Variants in RNF38 observed in about 807,000 individuals in gnomAD.
RNF38 encodes the protein E3 ubiquitin-protein ligase RNF38.
In RNF38, 15 loss-of-function variants were observed where a neutral mutation model predicts 67.2. That is an observed-to-expected ratio of 0.22 (90% CI 0.15 to 0.34). The LOEUF (loss-of-function observed/expected upper bound fraction) is 0.34. Among genes scored for constraint, RNF38 ranks in the 10% least tolerant of loss-of-function variants. The probability of loss-of-function intolerance (pLI) is 1.00; values close to 1 mark genes in which losing one functional copy is unlikely to be tolerated. For missense variants in RNF38, 524 were observed against 639.9 expected (o/e 0.82, Z 1.95); for synonymous variants, 220 against 218.8 (o/e 1.01, Z -0.05).
At chr9:36,412,686 T>C (rs1838356886) in intron 2 of RNF38, among the ~76,000 whole-genome samples, 1 of 152,224 alleles carries the variant, frequency 6.6e-6, no homozygotes, top group African/African-American at 2.4e-5. Flanking sequence ...ACGCCTGTAA[T>C]CCCAGCACTT....
At position 36,427,702 on chromosome 9, in the gene RNF38, T is replaced by TCTATCTATCTAC. The variant is rs1554694676; in HGVS notation, n.242-3020_242-3019insGTAGATAGATAG. 4.7e-3 allele frequency among the ~76,000 whole-genome samples: 662 copies of TCTATCTATCTAC among 139,428 alleles called. 2 individuals are homozygous for TCTATCTATCTAC. The highest frequency in any genetic ancestry group is 5.9e-3 in the Non-Finnish European group (392 of 66,832). 91.5% of individuals were successfully genotyped at this position (139,428 alleles called of 152,430 possible). A position where few individuals can be genotyped will look rare whatever the true frequency, so the allele number is the denominator to read the frequency against. Reference sequence around the variant, plus strand: ...ATCTATCTATCTATCTATCTATCTATCTACCTACCTATCTATTAATTTATT... The same window carrying TCTATCTATCTAC: ...ATCTATCTATCTATCTATCTATCTATCTATCTATCTACCTACCTACCTATCTATTAATTTATT... On this transcript the variant is annotated intron_variant and non_coding_transcript_variant, in intron 1 of 3. Transcript: ENST00000488058.
intron 4 of RNF38, among the ~76,000 whole-genome samples, chr9:36,362,430 TCAAAGTAC>T (rs1348563346): frequency 1.4e-5 from 2 of 139,758 alleles, no homozygotes; most frequent in African/African-American, 5.4e-5. Context: ...TAAAATACAA[TCAAAGTAC>T]CAAAGTACAT....
At chr9:36,345,471 A>C (rs1372701637) in intron 9 of RNF38, among the ~76,000 whole-genome samples, 1 of 152,184 alleles carries the variant, frequency 6.6e-6, no homozygotes, top group Non-Finnish European at 1.5e-5. Flanking sequence ...GATGTTTTGC[A>C]GCATTCCTGG....
At chr9:36,475,326 AATT>A (rs1325606093) in intron 1 of RNF38, among the ~76,000 whole-genome samples, 5 of 151,984 alleles carry the variant, frequency 3.3e-5, no homozygotes, top group African/African-American at 4.8e-5. Flanking sequence ...ATGTTTACCA[AATT>A]ATTATTAATA....
At chr9:36,409,370 C>G (rs935111556) in intron 2 of RNF38, among the ~76,000 whole-genome samples, 4 of 151,726 alleles carry the variant, frequency 2.6e-5, no homozygotes, top group African/African-American at 7.3e-5. Flanking sequence ...GGCAGGCGGG[C>G]GGGCAACAGA....
At chr9:36,409,261 GGAAGGAAA>G (rs886418208) in intron 2 of RNF38, among the ~76,000 whole-genome samples, 4 of 137,938 alleles carry the variant, frequency 2.9e-5, no homozygotes, top group Non-Finnish European at 6.2e-5. Context: ...AAGGAAGGAA[GGAAGGAAA>G]GAAGGAAAGA....
chr9:36,419,141 T>C (rs1426074822), intron 2 of RNF38, among the ~76,000 whole-genome samples: 1 of 152,200 alleles, frequency 6.6e-6, no homozygotes, highest in African/African-American at 2.4e-5. Context: ...CAATGGAACA[T>C]TTTGGATTTT....
At chr9:36,376,926 CAAAAA>C (rs34112141) in intron 2 of RNF38, among the ~76,000 whole-genome samples, 2 of 102,186 alleles carry the variant, frequency 2.0e-5, no homozygotes, top group African/African-American at 7.5e-5. Flanking sequence ...GACTCTGTCT[CAAAAA>C]AAAAAAAAAA....
intron 2 of RNF38, among the ~76,000 whole-genome samples, chr9:36,385,966 T>C (rs142337370): frequency 5.2e-4 from 79 of 152,322 alleles, no homozygotes; most frequent in African/African-American, 1.9e-3. Flanking sequence ...AAAAGCCTTC[T>C]ACAACCAGCA....
intron 10 of RNF38, 60 bp downstream of exon 10, chr9:36,344,772 C>G: frequency 6.4e-7 from 1 of 1,553,516 alleles, no homozygotes; most frequent in Admixed American, 1.8e-5. Context: ...GACTCTTAAG[C>G]TTTTATTTCA....
At position 36,445,645 on chromosome 9, in the gene RNF38, G is replaced by C. The variant is rs1839282870; in HGVS notation, n.242-20962C>G. ...CACAAGCCAGAACCACTGGAGGATG[G>C]TGAAGGGTAGAGAGAACTAGCTGGT... On this transcript the variant is annotated intron_variant and non_coding_transcript_variant, in intron 1 of 3. Coordinates refer to the RNF38 transcript ENST00000488058. Among the ~76,000 whole-genome samples, 4 of 152,308 alleles carry C rather than the reference G, an allele frequency of 2.6e-5. No individual in the cohort carries two copies. The South Asian group carries it at 8.3e-4, about 32-fold the overall frequency.
At chr9:36,415,708 T>C (rs1240771904) in intron 2 of RNF38, among the ~76,000 whole-genome samples, 1 of 152,106 alleles carries the variant, frequency 6.6e-6, no homozygotes, top group African/African-American at 2.4e-5. Context: ...TCTGCTCCGA[T>C]GGAGGTAGCA....
At chr9:36,395,016 T>C (rs745837588) in intron 1 of RNF38, among the ~76,000 whole-genome samples, 7 of 152,214 alleles carry the variant, frequency 4.6e-5, no homozygotes, top group Non-Finnish European at 8.8e-5. Flanking sequence ...CCAAAACTTA[T>C]CATGTTTAAT....
upstream of RNF38, chr9:36,487,593 C>T (rs1840451505): frequency 2.0e-6 from 2 of 980,308 alleles, no homozygotes; most frequent in Non-Finnish European, 2.4e-6. Context: ...CCGGCTGCGA[C>T]TCGACTCCGG....
At chr9:36,445,300 T>C (rs1483216162) in intron 1 of RNF38, among the ~76,000 whole-genome samples, 4 of 152,160 alleles carry the variant, frequency 2.6e-5, no homozygotes, top group African/African-American at 4.8e-5. Flanking sequence ...AAGTTGAACA[T>C]GGTAAGGATA....
At position 36,345,454 on chromosome 9, in the gene RNF38, A is replaced by C. The variant is rs1216354067; in HGVS notation, c.1264-501T>G. On this transcript the variant is annotated intron_variant, in intron 9 of 11. Coordinates refer to ENST00000259605, the MANE Select transcript of RNF38 (RefSeq NM_022781.5). ...CTTTGTTGTCGGGGCTGGCCTGGGGACTACAGGATGTTTTGCAGCATTCCT... is the reference window on the plus strand; with the variant it reads ...CTTTGTTGTCGGGGCTGGCCTGGGGCCTACAGGATGTTTTGCAGCATTCCT... 2.0e-5 allele frequency among the ~76,000 whole-genome samples: 3 copies of C among 152,208 alleles called. No individual in the cohort carries two copies. In the East Asian group the frequency reaches 5.8e-4, roughly 29 times the overall value.
intron 1 of RNF38, among the ~76,000 whole-genome samples, chr9:36,398,118 T>C (rs2134114735): frequency 6.6e-6 from 1 of 152,340 alleles, no homozygotes; most frequent in Admixed American, 6.5e-5. Flanking sequence ...TGCCATATGC[T>C]GGATGCTGTG....
At position 36,476,186 on chromosome 9, in the gene RNF38, G is replaced by A. The variant is rs144954912; in HGVS notation, n.241+11122C>T. ...GCCACCCAGGCTAGAGTGCAGTGGC[G>A]TGATCTCGACTCACTGCAACCATGG... On this transcript the variant is annotated intron_variant and non_coding_transcript_variant, in intron 1 of 3. Coordinates refer to the RNF38 transcript ENST00000488058. Among the ~76,000 whole-genome samples, 583 of 152,192 alleles carry A rather than the reference G, an allele frequency of 3.8e-3. 1 individual carries two copies. The highest frequency in any genetic ancestry group is 7.7e-3 in the Admixed American group (117 of 15,276).
At position 36,422,432 on chromosome 9, in the gene RNF38, A is replaced by AC. The variant is rs1554693911; in HGVS notation, n.312+2180_312+2181insG. 3.7e-4 allele frequency among the ~76,000 whole-genome samples: 56 copies of AC among 151,576 alleles called. 1 individual carries two copies. The South Asian group carries it at 8.1e-3, about 22-fold the overall frequency. On this transcript the variant is annotated intron_variant and non_coding_transcript_variant, in intron 2 of 3. Coordinates refer to the RNF38 transcript ENST00000488058. ...ACTCAGTCTACCCACCAAAAAACAA[A>AC]AAAAAAAAAACAGGAGAGAAAGAAA...
Sources: allele counts gnomAD v4.1 joint callset (sites outside exome capture counted in the v4.1 genomes callset), GRCh38; gene constraint gnomAD v4.1.1; transcripts MANE v1.5; gene names NCBI Gene and HGNC (gene_info 2026-07-23, HGNC 2026-07-21).